Variants in ADGB observed in about 807,000 individuals in gnomAD.
ADGB encodes the protein androglobin.
A neutral mutation model predicts 210.5 loss-of-function variants in ADGB; 172 were observed. The ratio of observed to expected loss-of-function variants is 0.82; its 90% CI spans 0.72 to 0.93. The LOEUF (loss-of-function observed/expected upper bound fraction) is 0.93, where lower values mean the gene tolerates loss of function less well. ADGB is among the 40% of genes least tolerant of loss of function. The pLI is 0.00. For missense variants in ADGB, 2,025 were observed against 1,964.8 expected (o/e 1.03, Z -0.58); for synonymous variants, 658 against 662.7 (o/e 0.99, Z 0.11).
At chr6:146,803,758 C>G (rs1278499440) in intron 35 of ADGB, 2 of 701,428 alleles carry the variant, frequency 2.9e-6, no homozygotes, top group Non-Finnish European at 4.7e-6. Context: ...CTCAGCCCAG[C>G]CTCCGCGCTG....
chr6:146,790,364 C>A (rs553116015), intron 33 of ADGB, among the ~76,000 whole-genome samples: 3 of 152,268 alleles, frequency 2.0e-5, no homozygotes, highest in African/African-American at 7.2e-5. Flanking sequence ...ACCCCCCAGC[C>A]TCTGGTAACC....
intron 28 of ADGB, among the ~76,000 whole-genome samples, chr6:146,764,552 G>T (rs1329391853): frequency 6.6e-6 from 1 of 151,628 alleles, no homozygotes; most frequent in Non-Finnish European, 1.5e-5. Flanking sequence ...AAACCAAAAA[G>T]TAAAATAAGT....
chr6:146,756,743 A>AT (rs984400287), intron 27 of ADGB, among the ~76,000 whole-genome samples: 24 of 146,622 alleles, frequency 1.6e-4, no homozygotes, highest in East Asian at 6.0e-4. Flanking sequence ...TTGTTCCTAA[A>AT]TTTTTTTTTT....
chr6:146,691,417 T>TATATATATATATAA (rs1776306830), intron 11 of ADGB, 127 bp downstream of exon 11: 2 of 19,786 alleles, frequency 1.0e-4, no homozygotes, highest in African/African-American at 6.1e-4. Context: ...GTTTAATATA[T>TATATATATATATAA]ATATATATAT....
In ADGB at chr6:146,788,373, A is replaced by G; in HGVS notation, c.4316-16A>G. 1 of 1,549,182 alleles carries G rather than the reference A, an allele frequency of 6.5e-7. No homozygotes were observed. Among genetic ancestry groups the G allele is most frequent in the Non-Finnish European group, 8.7e-7 (1 of 1,144,750 alleles). ...GGAACGCCAGCTTTTTCAGTAATGC[A>G]CATGTCATGTTGTAGTAGAAACAGC... On this transcript the variant is annotated splice_polypyrimidine_tract_variant and intron_variant, in intron 32 of 35. Transcript: ENST00000397944.
chr6:146,764,006 C>G lies in ADGB; in HGVS notation c.3656C>G (p.Ala1219Gly). 1 of 1,551,490 alleles carries G rather than the reference C, an allele frequency of 6.4e-7. No individual in the cohort carries two copies. The highest frequency in any genetic ancestry group is 1.4e-5 in the African/African-American group (1 of 73,138). Residue 1219 changes from alanine to glycine, a missense_variant, in exon 28 of 36, where the codon GCT becomes GGT. Coordinates refer to ENST00000397944, the MANE Select transcript of ADGB (RefSeq NM_024694.4). ...ATTCAGAAATCCCCCAAGGGTAGAG[C>G]TGTAAGTGCAATACAAGACATTGGT... is the stretch of plus-strand genomic sequence containing the variant. The part of the protein sequence containing the change: ...QGIQKSPKGR[A>G]VSAIQDIGLP...
intron 22 of ADGB, 27 bp from the exon 23 acceptor site, chr6:146,736,471 G>A (rs1455861829): frequency 5.0e-6 from 7 of 1,403,444 alleles, no homozygotes; most frequent in South Asian, 4.1e-5. Context: ...AAAGCTTAAC[G>A]TTTTTATTAT....
At chr6:146,618,679 T>G (rs1251436282) in intron 1 of ADGB, among the ~76,000 whole-genome samples, 1 of 150,952 alleles carries the variant, frequency 6.6e-6, no homozygotes, top group Non-Finnish European at 1.5e-5. Context: ...TCCTTTTGCT[T>G]TCATTTTGTT....
At chr6:146,745,774 C>T in intron 25 of ADGB, 148 bp from the exon 26 acceptor site, 1 of 555,458 alleles carries the variant, frequency 1.8e-6, no homozygotes, top group Non-Finnish European at 2.9e-6. Flanking sequence ...AAATTCCAAA[C>T]ATAATCCTAG....
chr6:146,678,992 T>C (rs7751677), intron 9 of ADGB, among the ~76,000 whole-genome samples: 29,909 of 152,110 alleles, frequency 0.2, 2,982 homozygotes, highest in Admixed American at 0.28. Context: ...CTTCTACCTC[T>C]AGCATTCTAA....
At chr6:146,785,846 G>A in intron 32 of ADGB, 134 bp downstream of exon 32, 2 of 671,810 alleles carry the variant, frequency 3.0e-6, no homozygotes, top group Non-Finnish European at 5.0e-6. Context: ...ATTATAAAAA[G>A]TCGCACAATT....
chr6:146,803,476 G>A (rs1778162325), intron 35 of ADGB: 1 of 1,603,620 alleles, frequency 6.2e-7, no homozygotes, highest in African/African-American at 1.3e-5. Context: ...ATTTGGAAAG[G>A]GATGATGAAC....
At chr6:146,799,154 C>T (rs967073894) in intron 33 of ADGB, among the ~76,000 whole-genome samples, 1 of 148,406 alleles carries the variant, frequency 6.7e-6, no homozygotes. Context: ...AAAGACTCTA[C>T]AAAAAAACCT....
chr6:146,781,171 C>CAAA (rs71031009), intron 29 of ADGB, among the ~76,000 whole-genome samples: 3,955 of 90,870 alleles, frequency 0.044, 141 homozygotes, highest in African/African-American at 0.07. Context: ...ACTAAAAATA[C>CAAA]AAAAAAAAAA....
At position 146,733,539 on chromosome 6, in the gene ADGB, A is replaced by G. The variant is rs146847757; in HGVS notation, c.2656+284A>G. Among the ~76,000 whole-genome samples, 38 of 152,270 alleles carry G rather than the reference A, an allele frequency of 2.5e-4. No individual in the cohort carries two copies. The East Asian group carries it at 6.0e-3, about 24-fold the overall frequency. On this transcript the variant is annotated intron_variant, in intron 21 of 35. Transcript: ENST00000397944. ...GGAAGTCACTAATCTATATGGTTTG[A>G]TTTGAAGAATTCTGGCAAGATCCTC... is the stretch of plus-strand genomic sequence containing the variant.
chr6:146,769,096 A>G lies in ADGB; in HGVS notation c.3827A>G (p.Gln1276Arg). The G allele has an allele frequency of 6.5e-7, 1 of 1,527,854 alleles. No homozygotes were observed. Among genetic ancestry groups the G allele is most frequent in the Non-Finnish European group, 8.8e-7 (1 of 1,130,372 alleles). 94.6% of individuals were successfully genotyped at this position (1,527,854 alleles called of 1,614,324 possible). A position where few individuals can be genotyped will look rare whatever the true frequency, so the allele number is the denominator to read the frequency against. ...ACTGAAAGCCAGCTGACATTTGTTC[A>G]AGCACTGAAAGACTTAAAGAAAAGT... ...PLTESQLTFV[Q>R]ALKDLKKSNT... Residue 1276 changes from glutamine to arginine, a missense_variant, in exon 29 of 36, where the codon CAA (glutamine) becomes CGA (arginine). Gln to Arg is a conservative substitution (Grantham distance 43). Coordinates refer to ENST00000397944, the MANE Select transcript of ADGB (RefSeq NM_024694.4).
intron 1 of ADGB, among the ~76,000 whole-genome samples, chr6:146,617,872 C>T (rs1212604754): frequency 6.6e-6 from 1 of 151,896 alleles, no homozygotes; most frequent in Non-Finnish European, 1.5e-5. Flanking sequence ...CAACATGGGG[C>T]TTAGAGCACC....
intron 25 of ADGB, among the ~76,000 whole-genome samples, chr6:146,744,504 A>T (rs1777200796): frequency 6.6e-6 from 1 of 152,216 alleles, no homozygotes; most frequent in Non-Finnish European, 1.5e-5. Context: ...CTTTAAGAAT[A>T]GGTTTTATCT....
intron 17 of ADGB, among the ~76,000 whole-genome samples, chr6:146,722,424 T>C (rs1776832108): frequency 1.3e-5 from 2 of 152,122 alleles, no homozygotes; most frequent in Admixed American, 1.3e-4. Context: ...CATCTTACTT[T>C]CCTGGAAAAA....
Sources: allele counts gnomAD v4.1 joint callset (sites outside exome capture counted in the v4.1 genomes callset), GRCh38; gene constraint gnomAD v4.1.1; transcripts MANE v1.5; gene names NCBI Gene and HGNC (gene_info 2026-07-23, HGNC 2026-07-21).